Variants in ZNF83 observed in about 807,000 individuals in gnomAD.
ZNF83 encodes zinc finger protein 83, also known as zinc finger protein 816B.
For synonymous variants in ZNF83, 209 were observed against 213.0 expected, an observed-to-expected ratio of 0.98 and a Z score of 0.17; for missense variants, 552 against 629.9, an observed-to-expected ratio of 0.88 and a Z score of 1.32.
chr19:52,633,989 G>T (rs1182728102), intron 2 of ZNF83, among the ~76,000 whole-genome samples: 2 of 151,870 alleles, frequency 1.3e-5, no homozygotes, highest in African/African-American at 4.8e-5. Flanking sequence ...AATTGGTGGG[G>T]CTGGGCACCG....
chr19:52,680,606 A>ATTTTTTTT (rs556558292), intron 1 of ZNF83, among the ~76,000 whole-genome samples: 11 of 88,942 alleles, frequency 1.2e-4, no homozygotes, highest in East Asian at 3.9e-4. Context: ...TCCACAAAAT[A>ATTTTTTTT]TTTTTTTTTT....
chr19:52,661,655 A>G (rs574663495), intron 1 of ZNF83, among the ~76,000 whole-genome samples: 5 of 152,310 alleles, frequency 3.3e-5, no homozygotes, highest in Non-Finnish European at 7.4e-5. Flanking sequence ...CTCCACTCAG[A>G]GGGTACCAGC....
exon 3 of ZNF83, chr19:52,613,143 A>G (rs2060161190): frequency 6.2e-7 from 1 of 1,613,394 alleles, no homozygotes; most frequent in Admixed American, 1.7e-5. Context: ...TCGCATGATG[A>G]TTAGTGAGGC....
chr19:52,679,081 C>T (rs967484157), intron 1 of ZNF83, among the ~76,000 whole-genome samples: 3 of 152,106 alleles, frequency 2.0e-5, no homozygotes, highest in Admixed American at 2.0e-4. Context: ...GTTGATTCTA[C>T]AACAAATTGA....
chr19:52,628,009 C>T (rs1658314101), intron 2 of ZNF83, among the ~76,000 whole-genome samples: 1 of 152,120 alleles, frequency 6.6e-6, no homozygotes, highest in African/African-American at 2.4e-5. Flanking sequence ...GTGACACCCA[C>T]TCCTGCCCAC....
intron 1 of ZNF83, among the ~76,000 whole-genome samples, chr19:52,689,241 G>A (rs2062101157): frequency 6.6e-6 from 1 of 152,154 alleles, no homozygotes; most frequent in Non-Finnish European, 1.5e-5. Context: ...AATCCACTGA[G>A]CCAGTGCGTA....
chr19:52,652,998 A>T, intron 3 of ZNF83: 1 of 1,379,528 alleles, frequency 7.2e-7, no homozygotes. Context: ...CTCCAGTATG[A>T]ACTCTCTGAT....
At chr19:52,625,850 C>A (rs2060718707) in intron 2 of ZNF83, among the ~76,000 whole-genome samples, 1 of 152,182 alleles carries the variant, frequency 6.6e-6, no homozygotes, top group African/African-American at 2.4e-5. Context: ...CCCCATCAGT[C>A]CCCATTACAA....
intron 2 of ZNF83, chr19:52,618,712 A>G (rs34309553): frequency 0.24 from 203,786 of 849,456 alleles, 25,769 homozygotes; most frequent in Middle Eastern, 0.28. Flanking sequence ...TAAGGTTTTA[A>G]GCCTTCTTTA....
At chr19:52,687,599 G>GTA (rs1416820110) in intron 1 of ZNF83, among the ~76,000 whole-genome samples, 8 of 16,834 alleles carry the variant, frequency 4.8e-4, no homozygotes, top group South Asian at 1.3e-3. Flanking sequence ...TATATATAAT[G>GTA]TATATATATA....
intron 3 of ZNF83, chr19:52,652,441 G>GAA: frequency 5.2e-6 from 2 of 384,626 alleles, no homozygotes; most frequent in Admixed American, 3.4e-5. Flanking sequence ...TCTGAAAAAA[G>GAA]AAAAAAAAAT....
At chr19:52,689,637 G>C (rs2062111166) in intron 1 of ZNF83, among the ~76,000 whole-genome samples, 1 of 151,640 alleles carries the variant, frequency 6.6e-6, no homozygotes, top group Non-Finnish European at 1.5e-5. Context: ...CTTTCTTATC[G>C]TTTTCTTTTC....
intron 1 of ZNF83, among the ~76,000 whole-genome samples, chr19:52,683,522 A>AGC (rs199947809): frequency 2.4e-5 from 2 of 84,222 alleles, no homozygotes; most frequent in East Asian, 2.8e-4. Flanking sequence ...AAGGGAATCC[A>AGC]AAGGGAAGGG....
At chr19:52,638,909 G>A (rs976518735), upstream of ZNF83, among the ~76,000 whole-genome samples, 1 of 152,142 alleles carries the variant, frequency 6.6e-6, no homozygotes, top group Non-Finnish European at 1.5e-5. Context: ...GAGGATCGCC[G>A]AGCCTGGGAG....
chr19:52,651,430 A>T (rs892837353), intron 3 of ZNF83: 1 of 152,240 alleles, frequency 6.6e-6, no homozygotes, highest in Admixed American at 6.5e-5. Flanking sequence ...CCCAAAGTGT[A>T]TATCTATGCT....
At chr19:52,683,494 T>C (rs2061961256) in intron 1 of ZNF83, among the ~76,000 whole-genome samples, 1 of 53,206 alleles carries the variant, frequency 1.9e-5, no homozygotes, top group Non-Finnish European at 3.7e-5. Context: ...GTCCCTGACC[T>C]TCTCCCCACC....
intron 1 of ZNF83, among the ~76,000 whole-genome samples, chr19:52,680,291 A>C (rs761583605): frequency 2.6e-5 from 4 of 152,202 alleles, no homozygotes; most frequent in Non-Finnish European, 5.9e-5. Flanking sequence ...GGACATTTTC[A>C]TCACCCACAG....
chr19:52,664,699 T>A (rs894163498), intron 1 of ZNF83, among the ~76,000 whole-genome samples: 2 of 29,294 alleles, frequency 6.8e-5, no homozygotes, highest in Non-Finnish European at 1.3e-4. Flanking sequence ...GCAGATTAAG[T>A]GGGTGGGGCC....
chr19:52,631,940 C>A (rs1290491306), intron 2 of ZNF83, among the ~76,000 whole-genome samples: 2 of 146,940 alleles, frequency 1.4e-5, no homozygotes, highest in East Asian at 2.2e-4. Context: ...TTCAGGCCCC[C>A]CTCCCTTCCC....
Sources: gnomAD v4.1 joint callset for allele counts (sites outside exome capture counted in the v4.1 genomes callset) on GRCh38, gnomAD v4.1.1 for gene constraint, MANE v1.5 for transcripts, NCBI Gene and HGNC (gene_info 2026-07-23, HGNC 2026-07-21) for gene names.